PPM1D: variants seen among roughly 807,000 people sequenced by gnomAD.
PPM1D encodes protein phosphatase, Mg2+/Mn2+ dependent 1D.
PPM1D carries 52 observed loss-of-function variants against 58.3 expected under a neutral mutation model. The ratio of observed to expected loss-of-function variants is 0.89; its 90% confidence interval spans 0.71 to 1.12. The LOEUF (loss-of-function observed/expected upper bound fraction) is 1.12, where lower values mean the gene tolerates loss of function less well. Among genes scored for constraint, PPM1D ranks in the 50% most tolerant of loss-of-function variants. PPM1D has a pLI of 0.00. For missense variants in PPM1D, 564 were observed against 777.2 expected (o/e 0.73, Z 3.26); for synonymous variants, 278 against 285.1 (o/e 0.98, Z 0.25).
chr17:60,628,081 C>G (rs145370780), intron 2 of PPM1D, among the ~76,000 whole-genome samples: 1 of 152,204 alleles, frequency 6.6e-6, no homozygotes, highest in East Asian at 1.9e-4. Context: ...CTCCCGACCT[C>G]AGGCGATCCA....
At chr17:60,657,715 T>C (rs912143468) in intron 5 of PPM1D, among the ~76,000 whole-genome samples, 29 of 152,178 alleles carry the variant, frequency 1.9e-4, no homozygotes, top group African/African-American at 7.0e-4. Flanking sequence ...TATGGCCAGA[T>C]ACAATGGAAT....
intron 3 of PPM1D, among the ~76,000 whole-genome samples, chr17:60,639,962 CG>C (rs1406549513): frequency 6.6e-6 from 1 of 152,026 alleles, no homozygotes; most frequent in Admixed American, 6.6e-5. Context: ...GTAGCTGGAA[CG>C]GATAAGGAAA....
At chr17:60,613,584 G>A (rs1331622468) in intron 1 of PPM1D, among the ~76,000 whole-genome samples, 1 of 152,244 alleles carries the variant, frequency 6.6e-6, no homozygotes, top group Non-Finnish European at 1.5e-5. Context: ...GGCCGGAGCC[G>A]GCTCCCTCAG....
chr17:60,643,969 C>T (rs1261098878), intron 3 of PPM1D, among the ~76,000 whole-genome samples: 1 of 132,296 alleles, frequency 7.6e-6, no homozygotes, highest in African/African-American at 2.8e-5. Context: ...ACTGCTATGT[C>T]CGCTTTCTGG....
intron 2 of PPM1D, among the ~76,000 whole-genome samples, chr17:60,625,487 T>C (rs557421464): frequency 2.0e-5 from 3 of 152,350 alleles, no homozygotes; most frequent in African/African-American, 7.2e-5. Context: ...AGTTACTGAT[T>C]GCAGCATTTG....
In PPM1D at chr17:60,622,102, A is replaced by G. The variant is rs547564309; in HGVS notation, c.473-1419A>G. On this transcript the variant is annotated intron_variant, in intron 1 of 5. Coordinates refer to ENST00000305921, the MANE Select transcript of PPM1D (RefSeq NM_003620.4). ...CTATTTGGGAGGCTGAGGCAGAAGA[A>G]TGGCGTGAACCTGGGAGGCGGAGCT... Among the ~76,000 whole-genome samples the G allele has an allele frequency of 1.4e-4, 21 of 151,204 alleles. No homozygotes were observed. In the South Asian group the frequency reaches 4.0e-3, roughly 29 times the overall value.
At chr17:60,645,490 G>GTA (rs1555647650) in intron 3 of PPM1D, among the ~76,000 whole-genome samples, 20 of 141,964 alleles carry the variant, frequency 1.4e-4, no homozygotes, top group African/African-American at 3.8e-4. Context: ...GTGTGTGTGT[G>GTA]TGTATGTGTA....
rs2031562206 is a variant in PPM1D at position 60,663,289 on chromosome 17, GGCCAAATGAAAGCCCAAGAAATTGAA to G, written c.1556_1581del (p.Gly519GlufsTer8). 1 of 1,613,966 alleles carries G rather than the reference GGCCAAATGAAAGCCCAAGAAATTGAA, an allele frequency of 6.2e-7. No homozygotes were observed. On this transcript the variant is annotated frameshift_variant, in exon 6 of 6. Coordinates refer to ENST00000305921, the MANE Select transcript of PPM1D (RefSeq NM_003620.4). LOFTEE classifies it high-confidence loss of function. ...AAAAAATTTGAAGATGTCAACTCCT[GGCCAAATGAAAGCCCAAGAAATTGAA>G]AGAACCCCTCCAACAAACTTTAAAA...
intron 1 of PPM1D, among the ~76,000 whole-genome samples, chr17:60,610,467 A>G (rs954849838): frequency 6.6e-6 from 1 of 152,188 alleles, no homozygotes; most frequent in Non-Finnish European, 1.5e-5. Flanking sequence ...TAGTTTTACA[A>G]CTATTTATAA....
chr17:60,642,460 A>G (rs951712937), intron 3 of PPM1D, among the ~76,000 whole-genome samples: 1 of 151,626 alleles, frequency 6.6e-6, no homozygotes, highest in Admixed American at 6.6e-5. Flanking sequence ...AGAGACTCCA[A>G]AGAAAATCTT....
chr17:60,642,352 A>ATTTTTTTTT (rs760188816), intron 3 of PPM1D, among the ~76,000 whole-genome samples: 1 of 124,856 alleles, frequency 8.0e-6, no homozygotes, highest in African/African-American at 3.1e-5. Context: ...AGAAGAATGG[A>ATTTTTTTTT]TTTTTTTTTT....
Position 60,656,998 on chromosome 17 carries a change from A to C in PPM1D, c.1260+157A>C. 1.9e-6 allele frequency: 3 copies of C among 1,551,720 alleles called. No homozygotes were observed. In the South Asian group the frequency reaches 3.5e-5, roughly 18 times the overall value. On this transcript the variant is annotated intron_variant, in intron 5 of 5. Coordinates refer to ENST00000305921, the MANE Select transcript of PPM1D (RefSeq NM_003620.4). The stretch of plus-strand genomic sequence containing the variant: ...ATTATCAGAGAGCCATCTTTACATC[A>C]ATACTAATCTGAATGCCAGCCATGT...
In PPM1D at chr17:60,600,325, A is replaced by T. The variant is rs1049446776; in HGVS notation, c.-90A>T. ...CCCCTTCTCGGCGTCGTCGAAGATA[A>T]ACAATAGTTGGCCGGCGAGCGCCTA... On this transcript the variant is annotated 5_prime_UTR_variant, in exon 1 of 6. Transcript: ENST00000305921. 6 of 1,492,162 alleles carry T rather than the reference A, an allele frequency of 4.0e-6. No homozygotes were observed. The African/African-American group carries it at 8.7e-5, about 22-fold the overall frequency. 92.4% of individuals were successfully genotyped at this position (1,492,162 alleles called of 1,614,324 possible). A position where few individuals can be genotyped will look rare whatever the true frequency, so the allele number is the denominator to read the frequency against.
At position 60,664,465 on chromosome 17, in the gene PPM1D, T is replaced by G. The variant is rs1192977432; in HGVS notation, c.*913T>G. The stretch of plus-strand genomic sequence containing the variant: ...GGTATATATTCATCTAATAAATCAG[T>G]GAACTGTTCCTCATGTTGCTGAATT... On this transcript the variant is annotated 3_prime_UTR_variant, in exon 6 of 6. Coordinates refer to ENST00000305921, the MANE Select transcript of PPM1D (RefSeq NM_003620.4). The G allele has an allele frequency of 6.6e-6, 1 of 152,666 alleles. No homozygotes were observed. The highest frequency in any genetic ancestry group is 1.5e-5 in the Non-Finnish European group (1 of 68,048). The allele number at this position is 152,666 out of a possible 1,614,324, so 9.5% of individuals were successfully genotyped here.
At position 60,647,923 on chromosome 17, in the gene PPM1D, T is replaced by A. The variant is rs2031277439; in HGVS notation, c.858T>A (p.Gly286=). Residue 286 remains glycine (G), a synonymous_variant, in exon 4 of 6, where the codon GGT becomes GGA. Coordinates refer to ENST00000305921, the MANE Select transcript of PPM1D (RefSeq NM_003620.4). ...TGTGGAGCTATGATTTCTTCAGTGGTGAATTTGTGGTGTCACCTGAACCAG... is the reference window on the plus strand; with the variant it reads ...TGTGGAGCTATGATTTCTTCAGTGGAGAATTTGTGGTGTCACCTGAACCAG... ...GDLWSYDFFS[G]EFVVSPEPDT... The A allele has an allele frequency of 6.2e-7, 1 of 1,613,242 alleles. No individual in the cohort carries two copies. Among genetic ancestry groups the A allele is most frequent in the Admixed American group, 1.7e-5 (1 of 59,894 alleles).
chr17:60,630,216 A>G (rs2030892878), intron 2 of PPM1D, among the ~76,000 whole-genome samples: 1 of 152,016 alleles, frequency 6.6e-6, no homozygotes, highest in African/African-American at 2.4e-5. Context: ...ATAAATGAAC[A>G]AAAAAGGAAA....
chr17:60,664,284 G>A lies in PPM1D; in HGVS notation c.*732G>A, dbSNP rs987280688. The A allele has an allele frequency of 6.6e-6, 1 of 152,604 alleles. No homozygotes were observed. The highest frequency in any genetic ancestry group is 2.4e-5 in the African/African-American group (1 of 41,442). 9.5% of individuals were successfully genotyped at this position (152,604 alleles called of 1,614,324 possible). On this transcript the variant is annotated 3_prime_UTR_variant, in exon 6 of 6. Coordinates refer to ENST00000305921, the MANE Select transcript of PPM1D (RefSeq NM_003620.4). Reference sequence around the variant, plus strand: ...AACAATTCCCTTCTTTTTCATCCCAGACCAATGGCATTATTAGGTCTTAAA... The same window carrying A: ...AACAATTCCCTTCTTTTTCATCCCAAACCAATGGCATTATTAGGTCTTAAA...
At chr17:60,627,427 C>CT (rs376666702) in intron 2 of PPM1D, among the ~76,000 whole-genome samples, 2,131 of 145,616 alleles carry the variant, frequency 0.015, 36 homozygotes, top group South Asian at 0.039. Flanking sequence ...CTTTTTCTTT[C>CT]TTTTTTTTTT....
intron 1 of PPM1D, among the ~76,000 whole-genome samples, chr17:60,620,607 A>G (rs1393132758): frequency 6.6e-6 from 1 of 151,848 alleles, no homozygotes; most frequent in Middle Eastern, 3.2e-3. Context: ...GCTCGCTGCA[A>G]TCTCTGCCTC....
Sources: gnomAD v4.1 joint callset for allele counts (sites outside exome capture counted in the v4.1 genomes callset) on GRCh38, gnomAD v4.1.1 for gene constraint, MANE v1.5 for transcripts, NCBI Gene and HGNC (gene_info 2026-07-23, HGNC 2026-07-21) for gene names.